CDON: variants seen among roughly 807,000 people sequenced by gnomAD.
CDON encodes cell adhesion associated, oncogene regulated.
Under a neutral mutation model 120.9 loss-of-function variants are expected in CDON, and 73 were observed. The ratio of observed to expected loss-of-function variants is 0.60; its 90% confidence interval spans 0.50 to 0.73. The LOEUF (loss-of-function observed/expected upper bound fraction) is 0.73, where lower values mean the gene tolerates loss of function less well. Among genes scored for constraint, CDON ranks in the 30% least tolerant of loss-of-function variants. CDON has a pLI of 0.00. For missense variants in CDON, 1,470 were observed against 1,587.3 expected (o/e 0.93, Z 1.26); for synonymous variants, 566 against 573.5 (o/e 0.99, Z 0.19).
At position 126,005,992 on chromosome 11, in the gene CDON, T is replaced by A; in HGVS notation, c.1618A>T (p.Arg540Ter). The change falls in exon 9 of 20, where the codon AGA becomes TGA. Residue 540 changes from arginine to a stop codon, truncating the protein, a stop_gained. Transcript: ENST00000531738. LOFTEE classifies it high-confidence loss of function. ...GTTTCTGAACCATCTCTCTTACTTC[T>A]GTCATCATTCTGAGCAGCATCAGGA... ...TLPDAAQNDD[R>*]SKRDGSETGL... The A allele has an allele frequency of 6.2e-7, 1 of 1,614,178 alleles. No individual in the cohort carries two copies. The highest frequency in any genetic ancestry group is 8.5e-7 in the Non-Finnish European group (1 of 1,180,002).
At chr11:126,033,782 G>A (rs1361374739) in intron 1 of CDON, among the ~76,000 whole-genome samples, 1 of 152,114 alleles carries the variant, frequency 6.6e-6, no homozygotes, top group Non-Finnish European at 1.5e-5. Flanking sequence ...GGAAAGGAGA[G>A]GCAAACAGAG....
chr11:125,997,134 T>C, intron 12 of CDON, 73 bp downstream of exon 12: 5 of 1,188,738 alleles, frequency 4.2e-6, no homozygotes, highest in Non-Finnish European at 6.2e-6. Context: ...AGTGAGACCC[T>C]GTCTCAAAAT....
intron 9 of CDON, among the ~76,000 whole-genome samples, chr11:126,005,202 T>A (rs1031102225): frequency 6.6e-6 from 1 of 151,400 alleles, no homozygotes; most frequent in South Asian, 2.1e-4. Context: ...CTTGGGAGGC[T>A]AAGGCACGAG....
chr11:125,980,908 G>A (rs1473813729), intron 17 of CDON, 141 bp downstream of exon 17: 13 of 773,354 alleles, frequency 1.7e-5, no homozygotes, highest in Non-Finnish European at 2.4e-5. Context: ...TGGATCAAAG[G>A]GCTGCCAGTG....
chr11:125,980,958 T>C (rs977737607), intron 17 of CDON, 91 bp downstream of exon 17: 66 of 1,326,508 alleles, frequency 5.0e-5, no homozygotes, highest in Non-Finnish European at 6.8e-5. Context: ...GTGAGGTTTC[T>C]ATACTGAACA....
rs776069698 is a variant in CDON, at chr11:125,994,950, A to G, written c.2465T>C (p.Phe822Ser). ...AGGTCCAGTTATTGGACGGCTGGAA[A>G]AGCGATTGGGGAACCCAACCACTTG... ...PYQVVGFPNR[F>S]SSRPITGPHI... The change falls in exon 13 of 20, where the codon TTT becomes TCT. Residue 822 changes from phenylalanine (F) to serine (S), a missense_variant. By Grantham distance (155) the Phe-to-Ser change is radical. Coordinates refer to ENST00000531738, the MANE Select transcript of CDON (RefSeq NM_001378964.1). 1.9e-6 allele frequency: 3 copies of G among 1,614,162 alleles called. No individual in the cohort carries two copies. The highest frequency in any genetic ancestry group is 2.5e-6 in the Non-Finnish European group (3 of 1,179,986).
rs146682526 is a variant in CDON, at chr11:125,981,419, T to TACGCACAC, written c.2996-98_2996-91dup. The TACGCACAC allele has an allele frequency of 4.6e-4, 611 of 1,324,812 alleles. 1 individual carries two copies. Among genetic ancestry groups the TACGCACAC allele is most frequent in the Non-Finnish European group, 5.4e-4 (507 of 940,956 alleles). The allele number at this position is 1,324,812 out of a possible 1,614,324, so 82.1% of individuals were successfully genotyped here. ...GCACACACGCATGCACACATGCACATACGCACACACGCACACACGCACACA... is the reference window on the plus strand; with the variant it reads ...GCACACACGCATGCACACATGCACATACGCACACACGCACACACGCACACACGCACACA... On this transcript the variant is annotated intron_variant, in intron 16 of 19. Transcript: ENST00000531738.
intron 1 of CDON, among the ~76,000 whole-genome samples, chr11:126,043,328 T>C (rs1429704359): frequency 6.6e-6 from 1 of 152,144 alleles, no homozygotes. Context: ...TAGGGGGTAT[T>C]TGAACCCAAG....
intron 11 of CDON, among the ~76,000 whole-genome samples, chr11:125,998,719 A>G (rs1946857601): frequency 6.6e-6 from 1 of 152,232 alleles, no homozygotes; most frequent in South Asian, 2.1e-4. Context: ...TCCGGTCTGT[A>G]TGACAGTGAC....
chr11:126,060,174 C>T (rs548480790), intron 1 of CDON, among the ~76,000 whole-genome samples: 3 of 152,190 alleles, frequency 2.0e-5, no homozygotes, highest in Admixed American at 6.5e-5. Flanking sequence ...TTCAAGTTCA[C>T]GAAATTTCTT....
At chr11:126,027,197 T>C (rs1947813314) in intron 1 of CDON, among the ~76,000 whole-genome samples, 1 of 152,162 alleles carries the variant, frequency 6.6e-6, no homozygotes, top group East Asian at 1.9e-4. Flanking sequence ...CTCAGTTTGT[T>C]AAAGAGCTGT....
chr11:126,057,172 T>C (rs998349573), intron 1 of CDON, among the ~76,000 whole-genome samples: 2 of 152,200 alleles, frequency 1.3e-5, no homozygotes, highest in African/African-American at 4.8e-5. Context: ...AATGAGGTCA[T>C]GGTTGTTTTC....
At chr11:126,044,476 T>C (rs777519126) in intron 1 of CDON, among the ~76,000 whole-genome samples, 3 of 152,102 alleles carry the variant, frequency 2.0e-5, no homozygotes, top group Non-Finnish European at 2.9e-5. Context: ...TGCCAAAATA[T>C]AGAATCAACC....
chr11:125,968,102 G>GA (rs962825528), intron 18 of CDON, among the ~76,000 whole-genome samples: 7 of 151,520 alleles, frequency 4.6e-5, no homozygotes, highest in East Asian at 1.9e-4. Context: ...TAAGATACAG[G>GA]AAAAAAAATG....
At chr11:126,030,238 T>C (rs1947907802) in intron 1 of CDON, among the ~76,000 whole-genome samples, 1 of 152,248 alleles carries the variant, frequency 6.6e-6, no homozygotes, top group African/African-American at 2.4e-5. Context: ...ACTTAACTTA[T>C]TGTTCAGGTT....
At chr11:126,019,955 G>A (rs529813780) in intron 3 of CDON, among the ~76,000 whole-genome samples, 190 bp from the exon 4 acceptor site, 56 of 152,070 alleles carry the variant, frequency 3.7e-4, no homozygotes, top group Non-Finnish European at 6.6e-4. Context: ...GCTGAGGTGG[G>A]AGGATCGCTT....
intron 17 of CDON, among the ~76,000 whole-genome samples, chr11:125,980,723 C>T (rs1011868071): frequency 1.3e-5 from 2 of 152,206 alleles, no homozygotes; most frequent in African/African-American, 4.8e-5. Flanking sequence ...TTTCAAGACC[C>T]TGCTCTCGAT....
At chr11:126,041,464 G>A (rs926208368) in intron 1 of CDON, among the ~76,000 whole-genome samples, 5 of 152,108 alleles carry the variant, frequency 3.3e-5, no homozygotes, top group Non-Finnish European at 7.3e-5. Context: ...TGACACAGAT[G>A]GGCATTACTG....
Position 125,960,413 on chromosome 11 carries a change from AC to A in CDON, c.*528del, listed in dbSNP as rs937600966. 6.4e-6 allele frequency: 1 copy of A among 155,370 alleles called. No homozygotes were observed. Among genetic ancestry groups the A allele is most frequent in the Non-Finnish European group, 1.4e-5 (1 of 70,300 alleles). 9.6% of individuals were successfully genotyped at this position (155,370 alleles called of 1,614,324 possible). ...AGGCTGAGGCGGGAGAATTGCTTGAACCTGGGAGGCGGAGGTTGCAGTGAGC... is the reference window on the plus strand; with the variant it reads ...AGGCTGAGGCGGGAGAATTGCTTGAACTGGGAGGCGGAGGTTGCAGTGAGC... On this transcript the variant is annotated 3_prime_UTR_variant, in exon 20 of 20. Coordinates refer to ENST00000531738, the MANE Select transcript of CDON (RefSeq NM_001378964.1).
Sources: allele counts gnomAD v4.1 joint callset (sites outside exome capture counted in the v4.1 genomes callset), GRCh38; gene constraint gnomAD v4.1.1; transcripts MANE v1.5; gene names NCBI Gene and HGNC (gene_info 2026-07-23, HGNC 2026-07-21).